The following ROBO2 variants were observed in gnomAD, a reference collection of about 807,000 sequenced individuals.
ROBO2 encodes roundabout homolog 2.
Under a neutral mutation model 160.8 loss-of-function variants are expected in ROBO2, and 53 were observed. The observed-to-expected ratio is 0.33, with a 90% CI of 0.26 to 0.41. The LOEUF (loss-of-function observed/expected upper bound fraction) is 0.41. Ranked by LOEUF, ROBO2 falls within the 10% of genes least tolerant of loss-of-function variation. ROBO2 has a pLI of 1.00. For missense variants in ROBO2, 1,577 were observed against 1,722.4 expected, an observed-to-expected ratio of 0.92 and a Z score of 1.49; for synonymous variants, 664 against 611.7, an observed-to-expected ratio of 1.09 and a Z score of -1.26.
At chr3:77,588,690 G>A in intron 16 of ROBO2, 61 bp from the exon 18 acceptor site, 4 of 1,489,824 alleles carry the variant, frequency 2.7e-6, no homozygotes, top group Non-Finnish European at 3.7e-6. Context: ...GATGCACCAT[G>A]TTTATATTCC....
intron 2 of ROBO2, among the ~76,000 whole-genome samples, chr3:75,950,699 C>T (rs966411984): frequency 2.0e-5 from 3 of 151,410 alleles, no homozygotes; most frequent in African/African-American, 7.3e-5. Context: ...CTTATGTATT[C>T]TCCCCATGTC....
At chr3:76,691,101 A>G (rs1276555963) in intron 2 of ROBO2, among the ~76,000 whole-genome samples, 1 of 152,062 alleles carries the variant, frequency 6.6e-6, no homozygotes, top group Non-Finnish European at 1.5e-5. Flanking sequence ...GAGACCTTTA[A>G]CAGGTGATTA....
intron 2 of ROBO2, among the ~76,000 whole-genome samples, chr3:77,219,484 A>ATATATATATGT (rs10654898): frequency 3.3e-5 from 3 of 90,698 alleles, no homozygotes; most frequent in Non-Finnish European, 4.9e-5. Context: ...ATATATATAT[A>ATATATATATGT]ATCTGTATAT....
chr3:77,100,716 C>A lies in ROBO2; in HGVS notation c.388+2376C>A, dbSNP rs376638203. ...AGAGCTCACATTCTAGTTGGGATGA[C>A]AAACATGTAAATAAAGAGTTACTAT... is the stretch of plus-strand genomic sequence containing the variant. On this transcript the variant is annotated intron_variant, in intron 2 of 25. Coordinates refer to ENST00000461745, the Ensembl canonical transcript of ROBO2. 6.6e-5 allele frequency among the ~76,000 whole-genome samples: 10 copies of A among 152,108 alleles called. No individual in the cohort carries two copies. In the South Asian group the frequency reaches 2.1e-3, roughly 32 times the overall value.
chr3:76,840,740 T>A (rs1156555314), intron 2 of ROBO2, among the ~76,000 whole-genome samples: 3 of 150,928 alleles, frequency 2.0e-5, no homozygotes, highest in Non-Finnish European at 3.0e-5. Context: ...ATTCTTTGAT[T>A]AAACTTTTGC....
intron 2 of ROBO2, among the ~76,000 whole-genome samples, chr3:76,034,005 A>C (rs571631376): frequency 6.6e-6 from 1 of 152,310 alleles, no homozygotes; most frequent in South Asian, 2.1e-4. Context: ...TGATCAAAGC[A>C]AGCCACATGG....
intron 2 of ROBO2, among the ~76,000 whole-genome samples, chr3:76,400,658 A>C (rs897625336): frequency 6.6e-6 from 1 of 151,616 alleles, no homozygotes; most frequent in African/African-American, 2.4e-5. Context: ...CATCTGATAC[A>C]TATGTTTAAC....
At chr3:76,692,627 C>G (rs1029536033) in intron 2 of ROBO2, among the ~76,000 whole-genome samples, 1 of 152,048 alleles carries the variant, frequency 6.6e-6, no homozygotes, top group Non-Finnish European at 1.5e-5. Flanking sequence ...GATCTGACAT[C>G]TGAGTAAGTT....
chr3:77,400,509 T>A (rs1341047501), intron 2 of ROBO2, among the ~76,000 whole-genome samples: 1 of 152,148 alleles, frequency 6.6e-6, no homozygotes, highest in Non-Finnish European at 1.5e-5. Flanking sequence ...ACTTTAGACA[T>A]TAGAAATTAT....
At chr3:77,248,686 C>T (rs1486030637) in intron 2 of ROBO2, among the ~76,000 whole-genome samples, 1 of 151,724 alleles carries the variant, frequency 6.6e-6, no homozygotes, top group African/African-American at 2.4e-5. Flanking sequence ...AAGCAGCCAG[C>T]GAGGTCCAGG....
At chr3:76,922,619 A>G (rs914820234) in intron 2 of ROBO2, among the ~76,000 whole-genome samples, 1 of 152,202 alleles carries the variant, frequency 6.6e-6, no homozygotes, top group Non-Finnish European at 1.5e-5. Flanking sequence ...TCAGAAGGAA[A>G]AGCAACGACC....
exon 26 of ROBO2, chr3:77,649,399 TATA>T (rs2095434020): frequency 6.6e-6 from 1 of 152,176 alleles, no homozygotes; most frequent in Non-Finnish European, 1.5e-5. Context: ...CCATTGACAA[TATA>T]ATGATAACAG....
chr3:76,275,575 C>T (rs894157447), intron 2 of ROBO2, among the ~76,000 whole-genome samples: 1 of 151,988 alleles, frequency 6.6e-6, no homozygotes, highest in Non-Finnish European at 1.5e-5. Flanking sequence ...CTTAGCAGCT[C>T]GAAGGTTCTA....
Position 77,461,501 on chromosome 3 carries a change from A to T in ROBO2, c.389-15913A>T, listed in dbSNP as rs1454905909. On this transcript the variant is annotated intron_variant, in intron 2 of 25. Coordinates refer to ENST00000461745, the Ensembl canonical transcript of ROBO2. ...ATTGTGCTAATGGTTGAATAACATT[A>T]TATTTATGCTATACATAGATATATT... Among the ~76,000 whole-genome samples the T allele has an allele frequency of 2.6e-5, 4 of 152,126 alleles. No individual in the cohort carries two copies. In the East Asian group the frequency reaches 7.7e-4, roughly 29 times the overall value.
chr3:76,633,059 T>C (rs2090121432), intron 2 of ROBO2, among the ~76,000 whole-genome samples: 2 of 152,222 alleles, frequency 1.3e-5, no homozygotes, highest in Non-Finnish European at 2.9e-5. Flanking sequence ...TACAGGATTA[T>C]TGTAATTCTA....
chr3:77,438,235 A>T (rs1429150454), intron 2 of ROBO2, among the ~76,000 whole-genome samples: 3 of 151,644 alleles, frequency 2.0e-5, no homozygotes, highest in African/African-American at 4.8e-5. Flanking sequence ...ATTGATTGAT[A>T]GATTGATAGA....
intron 15 of ROBO2, among the ~76,000 whole-genome samples, 191 bp from the exon 17 acceptor site, chr3:77,579,756 G>A (rs1254956447): frequency 1.3e-5 from 2 of 152,158 alleles, no homozygotes; most frequent in African/African-American, 2.4e-5. Context: ...ACAGGTGCAT[G>A]TGCACACAAA....
rs1011980208 is a variant in ROBO2, at chr3:77,494,287, A to C, written c.806+905A>C. The stretch of plus-strand genomic sequence containing the variant: ...TCTAATTTTTCTTTTTTTTAAAAAA[A>C]ATTTTTTGGCTGGGCACGATGGCTG... On this transcript the variant is annotated intron_variant, in intron 5 of 25. Transcript: ENST00000461745. 4.6e-5 allele frequency among the ~76,000 whole-genome samples: 7 copies of C among 151,972 alleles called. No individual in the cohort carries two copies. The South Asian group carries it at 8.3e-4, about 18-fold the overall frequency.
At chr3:77,565,206 T>C (rs757352665) in intron 12 of ROBO2, 86 bp downstream of exon 13, 23 of 1,416,052 alleles carry the variant, frequency 1.6e-5, no homozygotes, top group Non-Finnish European at 2.2e-5. Flanking sequence ...GAAATATACA[T>C]GTGCCTGCAT....
Sources: allele counts gnomAD v4.1 joint callset (sites outside exome capture counted in the v4.1 genomes callset), GRCh38; gene constraint gnomAD v4.1.1; transcripts MANE v1.5; gene names NCBI Gene and HGNC (gene_info 2026-07-23, HGNC 2026-07-21).